The following PEDS1 variants were observed in gnomAD, a reference collection of about 807,000 sequenced individuals.
The protein encoded by PEDS1 is plasmanylethanolamine desaturase 1.
Under a neutral mutation model 35.2 loss-of-function variants are expected in PEDS1, and 14 were observed. The ratio of observed to expected loss-of-function variants is 0.40; its 90% CI spans 0.26 to 0.62. The LOEUF (loss-of-function observed/expected upper bound fraction) is 0.62, where lower values mean the gene tolerates loss of function less well. Ranked by LOEUF, PEDS1 falls within the 20% of genes least tolerant of loss-of-function variation. PEDS1 has a pLI of 0.44. For missense variants in PEDS1, 260 were observed against 367.8 expected, an observed-to-expected ratio of 0.71 and a Z score of 2.40; for synonymous variants, 152 against 152.0, an observed-to-expected ratio of 1.00 and a Z score of 0.00.
chr20:50,150,090 G>A (rs2147309212), intron 1 of PEDS1, among the ~76,000 whole-genome samples: 1 of 152,300 alleles, frequency 6.6e-6, no homozygotes, highest in Middle Eastern at 3.4e-3. Flanking sequence ...TTTAGGAAGA[G>A]CATGCCTGGG....
intron 1 of PEDS1, among the ~76,000 whole-genome samples, chr20:50,152,242 G>A (rs1374038117): frequency 1.3e-5 from 2 of 152,212 alleles, no homozygotes; most frequent in South Asian, 4.1e-4. Context: ...ATGGTCCGTG[G>A]CCATGCCGCC....
chr20:50,125,212 GGA>G (rs2081087121), intron 5 of PEDS1, 33 bp from the exon 6 acceptor site: 1 of 1,610,744 alleles, frequency 6.2e-7, no homozygotes, highest in East Asian at 2.2e-5. Flanking sequence ...AGTTTGAATG[GGA>G]GAGAGTAGTC....
Position 50,128,023 on chromosome 20 carries a change from G to C in PEDS1, c.643C>G (p.Arg215Gly). The change falls in exon 5 of 6, where the codon CGC (arginine) becomes GGC (glycine). Residue 215 changes from arginine (R) to glycine (G), a missense_variant. By Grantham distance (125) the Arg-to-Gly change is moderately radical. Coordinates refer to ENST00000371652, the MANE Select transcript of PEDS1 (RefSeq NM_199129.4). The surrounding 1 kb of genome is among the most constrained non-coding windows in gnomAD (Gnocchi z 5.2). Reference protein sequence around the residue: ...WHVILPRKHHRIHHVSPHETY... With the variant: ...WHVILPRKHHGIHHVSPHETY... ...TCGTGGGGTGAGACGTGGTGGATGC[G>C]ATGGTGTTTACGTGGCAGGATGACA... 6.2e-7 allele frequency: 1 copy of C among 1,614,210 alleles called. No individual in the cohort carries two copies. Among genetic ancestry groups the C allele is most frequent in the Non-Finnish European group, 8.5e-7 (1 of 1,180,038 alleles).
chr20:50,153,252 G>A (rs2081424146), intron 1 of PEDS1, among the ~76,000 whole-genome samples: 1 of 152,010 alleles, frequency 6.6e-6, no homozygotes, highest in Admixed American at 6.6e-5. Flanking sequence ...CTGCGGGTCC[G>A]ATGGGAGCTC....
intron 2 of PEDS1, among the ~76,000 whole-genome samples, chr20:50,137,728 G>A (rs984294034): frequency 3.3e-5 from 5 of 152,134 alleles, no homozygotes; most frequent in South Asian, 4.1e-4. Context: ...AAAATTAGCC[G>A]GGCGTGCTGG....
rs1601203437 is a variant in PEDS1, at chr20:50,124,881, T to G, written c.*177A>C. On this transcript the variant is annotated 3_prime_UTR_variant, in exon 6 of 6. Coordinates refer to ENST00000371652, the MANE Select transcript of PEDS1 (RefSeq NM_199129.4). Reference sequence around the variant, plus strand: ...GCCGAGGAAAAAAAAAAAAAAGAAATGAAAAATCAGTGGCTCAAGTATTCT... The same window carrying G: ...GCCGAGGAAAAAAAAAAAAAAGAAAGGAAAAATCAGTGGCTCAAGTATTCT... 2.4e-5 allele frequency: 18 copies of G among 746,030 alleles called. No homozygotes were observed. The highest frequency in any genetic ancestry group is 6.0e-5 in the East Asian group (2 of 33,504). 46.2% of individuals were successfully genotyped at this position (746,030 alleles called of 1,614,324 possible). A position where few individuals can be genotyped will look rare whatever the true frequency, so the allele number is the denominator to read the frequency against.
Position 50,146,834 on chromosome 20 carries a change from G to A in PEDS1, c.122-3213C>T, listed in dbSNP as rs574431921. ...TCTCCTGGTTCCCCAATTCTCAGGC[G>A]AGGGCTGTTTCTCTTGAGCCACGCA... On this transcript the variant is annotated intron_variant, in intron 1 of 5. Transcript: ENST00000371652. Among the ~76,000 whole-genome samples the A allele has an allele frequency of 3.7e-4, 57 of 152,270 alleles. No homozygotes were observed. The East Asian group carries it at 7.7e-3, about 21-fold the overall frequency.
chr20:50,152,471 G>A (rs1178101382), intron 1 of PEDS1, among the ~76,000 whole-genome samples: 2 of 152,176 alleles, frequency 1.3e-5, no homozygotes, highest in Non-Finnish European at 2.9e-5. Flanking sequence ...GTTCTCAAAG[G>A]CACTTCCTTA....
At position 50,121,570 on chromosome 20, in the gene PEDS1, C is replaced by G. The variant is rs2081051137; in HGVS notation, c.*3488G>C. The G allele has an allele frequency of 6.6e-6, 1 of 152,222 alleles. No individual in the cohort carries two copies. Among genetic ancestry groups the G allele is most frequent in the South Asian group, 2.1e-4 (1 of 4,834 alleles). 9.4% of individuals were successfully genotyped at this position (152,222 alleles called of 1,614,324 possible). ...CAGTAATATTAAGTAGCATTTTCCC[C>G]TGTCTGGCCCTCATAGGCACTTGTT... is the stretch of plus-strand genomic sequence containing the variant. On this transcript the variant is annotated 3_prime_UTR_variant, in exon 6 of 6. Coordinates refer to ENST00000371652, the MANE Select transcript of PEDS1 (RefSeq NM_199129.4).
At chr20:50,150,046 G>T (rs1000671079) in intron 1 of PEDS1, among the ~76,000 whole-genome samples, 3 of 152,162 alleles carry the variant, frequency 2.0e-5, no homozygotes, top group Non-Finnish European at 2.9e-5. Context: ...ATCAGGTGAG[G>T]GCAGATGCGG....
intron 2 of PEDS1, among the ~76,000 whole-genome samples, chr20:50,139,470 TCTC>T (rs896585765): frequency 1.3e-5 from 2 of 150,994 alleles, no homozygotes; most frequent in Non-Finnish European, 3.0e-5. Flanking sequence ...GGAAACACAT[TCTC>T]CTCTTGGCCC....
Position 50,128,272 on chromosome 20 carries a change from G to A in PEDS1, c.479-85C>T. The A allele has an allele frequency of 6.5e-7, 1 of 1,529,506 alleles. No homozygotes were observed. The highest frequency in any genetic ancestry group is 1.8e-5 in the Admixed American group (1 of 54,206). The allele number at this position is 1,529,506 out of a possible 1,614,324, so 94.7% of individuals were successfully genotyped here. On this transcript the variant is annotated intron_variant, in intron 4 of 5. Coordinates refer to ENST00000371652, the MANE Select transcript of PEDS1 (RefSeq NM_199129.4). The surrounding 1 kb of genome is among the most constrained non-coding windows in gnomAD (Gnocchi z 5.2). ...CAAATGGCCCTCACCACCTGCTCCTGGGCGGCTCCTGAGCTGGGCAAGCAC... is the reference window on the plus strand; with the variant it reads ...CAAATGGCCCTCACCACCTGCTCCTAGGCGGCTCCTGAGCTGGGCAAGCAC...
intron 2 of PEDS1, among the ~76,000 whole-genome samples, chr20:50,140,572 C>T (rs1011882637): frequency 6.7e-6 from 1 of 148,930 alleles, no homozygotes; most frequent in African/African-American, 2.5e-5. Flanking sequence ...GCCTTGGATG[C>T]CCCTCCCCAA....
chr20:50,151,882 C>CA (rs1487335219), intron 1 of PEDS1, among the ~76,000 whole-genome samples: 2 of 151,996 alleles, frequency 1.3e-5, no homozygotes, highest in African/African-American at 4.8e-5. Flanking sequence ...CAAAACAAAA[C>CA]AAAAAACAAC....
rs111297255 is a variant in PEDS1 at position 50,149,360 on chromosome 20, C to T, written c.121+4157G>A. ...GGTGGGGTACAGGTGGATCAAGGAC[C>T]GTGAGGCTGCACCCATGAAGCCTGG... On this transcript the variant is annotated intron_variant, in intron 1 of 5. Transcript: ENST00000371652. Among the ~76,000 whole-genome samples, 375 of 152,182 alleles carry T rather than the reference C, an allele frequency of 2.5e-3. 2 individuals are homozygous for T. The highest frequency in any genetic ancestry group is 8.4e-3 in the African/African-American group (347 of 41,518).
rs764603649 is a variant in PEDS1, at chr20:50,129,524, C to T, written c.478+22G>A. The T allele has an allele frequency of 6.2e-7, 1 of 1,613,806 alleles. No homozygotes were observed. The highest frequency in any genetic ancestry group is 8.5e-7 in the Non-Finnish European group (1 of 1,179,818). ...CTGCCCCCAAGGCCCCCTCCCAGCCCACCACTAGCTGGGTGTCTCACCAGG... is the reference window on the plus strand; with the variant it reads ...CTGCCCCCAAGGCCCCCTCCCAGCCTACCACTAGCTGGGTGTCTCACCAGG... On this transcript the variant is annotated intron_variant, in intron 4 of 5. Coordinates refer to ENST00000371652, the MANE Select transcript of PEDS1 (RefSeq NM_199129.4). The surrounding 1 kb of genome is among the most constrained non-coding windows in gnomAD (Gnocchi z 4.2).
intron 2 of PEDS1, among the ~76,000 whole-genome samples, chr20:50,140,001 C>T (rs963836338): frequency 1.6e-4 from 24 of 152,190 alleles, no homozygotes; most frequent in African/African-American, 5.6e-4. Flanking sequence ...CTCAACACCT[C>T]TCCTTAGCTC....
chr20:50,124,897 C>G lies in PEDS1; in HGVS notation c.*161G>C. On this transcript the variant is annotated 3_prime_UTR_variant, in exon 6 of 6. Transcript: ENST00000371652. ...AAAAAGAAATGAAAAATCAGTGGCT[C>G]AAGTATTCTGTGTCATGAGGGGTGG... The G allele has an allele frequency of 1.1e-6, 1 of 885,564 alleles. No individual in the cohort carries two copies. The highest frequency in any genetic ancestry group is 2.6e-5 in the East Asian group (1 of 38,822). 54.9% of individuals were successfully genotyped at this position (885,564 alleles called of 1,614,324 possible). A position where few individuals can be genotyped will look rare whatever the true frequency, so the allele number is the denominator to read the frequency against.
rs2081077598 is a variant in PEDS1, at chr20:50,124,416, G to C, written c.*642C>G. On this transcript the variant is annotated 3_prime_UTR_variant, in exon 6 of 6. Coordinates refer to ENST00000371652, the MANE Select transcript of PEDS1 (RefSeq NM_199129.4). The stretch of plus-strand genomic sequence containing the variant: ...CTCTGCAGGGGCTGTGCCCTGTGAA[G>C]ACATCTTGGTATTGGAAACATCAGC... 1 of 152,606 alleles carries C rather than the reference G, an allele frequency of 6.6e-6. No homozygotes were observed. The highest frequency in any genetic ancestry group is 1.5e-5 in the Non-Finnish European group (1 of 68,242). 9.5% of individuals were successfully genotyped at this position (152,606 alleles called of 1,614,324 possible).
Sources: gnomAD v4.1 joint callset for allele counts (sites outside exome capture counted in the v4.1 genomes callset) on GRCh38, gnomAD v4.1.1 for gene constraint, Gnocchi (gnomAD v3.1) non-coding constraint, MANE v1.5 for transcripts, NCBI Gene and HGNC (gene_info 2026-07-23, HGNC 2026-07-21) for gene names.